The following ROBO2 variants were observed in gnomAD, a reference collection of about 807,000 sequenced individuals.
ROBO2 encodes the protein roundabout homolog 2.
In ROBO2, 53 loss-of-function variants were observed where a neutral mutation model predicts 160.8. That is an observed-to-expected ratio of 0.33 (90% CI 0.26 to 0.41). ROBO2 has a LOEUF of 0.41. Ranked by LOEUF, ROBO2 falls within the 10% of genes least tolerant of loss-of-function variation. The pLI is 1.00. For synonymous variants in ROBO2, 664 were observed against 611.7 expected, an observed-to-expected ratio of 1.09 and a Z score of -1.26; for missense variants, 1,577 against 1,722.4, an observed-to-expected ratio of 0.92 and a Z score of 1.49.
chr3:75,978,489 A>G (rs1462169309), intron 2 of ROBO2, among the ~76,000 whole-genome samples: 3 of 151,616 alleles, frequency 2.0e-5, no homozygotes, highest in Non-Finnish European at 3.0e-5. Context: ...ATGCTTCACA[A>G]TTTTAAAATA....
intron 2 of ROBO2, among the ~76,000 whole-genome samples, chr3:76,807,877 A>G (rs1576752469): frequency 1.3e-5 from 2 of 152,148 alleles, no homozygotes; most frequent in East Asian, 3.9e-4. Context: ...ACACTATTCC[A>G]TAATTATTCA....
At chr3:76,650,533 A>G (rs1379669519) in intron 2 of ROBO2, among the ~76,000 whole-genome samples, 4 of 145,152 alleles carry the variant, frequency 2.8e-5, no homozygotes, top group Non-Finnish European at 4.5e-5. Flanking sequence ...AAATGTTTCT[A>G]TTCTTACTGA....
intron 2 of ROBO2, among the ~76,000 whole-genome samples, chr3:76,088,947 T>A (rs1043426182): frequency 3.3e-5 from 5 of 150,346 alleles, no homozygotes; most frequent in Non-Finnish European, 5.9e-5. Context: ...AAGATCGGAG[T>A]GGAAGAGAGA....
intron 2 of ROBO2, among the ~76,000 whole-genome samples, chr3:76,099,465 A>C (rs573568116): frequency 6.6e-6 from 1 of 152,234 alleles, no homozygotes; most frequent in South Asian, 2.1e-4. Flanking sequence ...ATTTCTTGAG[A>C]GATTTTCTAA....
intron 6 of ROBO2, among the ~76,000 whole-genome samples, chr3:77,537,830 C>T (rs949397960): frequency 1.3e-5 from 2 of 152,044 alleles, no homozygotes; most frequent in African/African-American, 4.8e-5. Flanking sequence ...CTTTATAAAA[C>T]CATCAGATCT....
chr3:76,793,372 C>A (rs976569476), intron 2 of ROBO2, among the ~76,000 whole-genome samples: 6 of 151,804 alleles, frequency 4.0e-5, no homozygotes, highest in African/African-American at 7.3e-5. Flanking sequence ...ATAGGGGGAA[C>A]CTGAACGGCG....
At chr3:76,541,738 T>C (rs961249324) in intron 2 of ROBO2, among the ~76,000 whole-genome samples, 2 of 152,226 alleles carry the variant, frequency 1.3e-5, no homozygotes, top group East Asian at 3.8e-4. Flanking sequence ...CTGACATTGT[T>C]TGGACTAGAA....
At chr3:76,710,754 G>A (rs906264016) in intron 2 of ROBO2, among the ~76,000 whole-genome samples, 4 of 152,128 alleles carry the variant, frequency 2.6e-5, no homozygotes, top group Admixed American at 6.5e-5. Flanking sequence ...CAACTTGATC[G>A]TATTTACAGA....
intron 6 of ROBO2, among the ~76,000 whole-genome samples, chr3:77,526,752 G>A (rs1207366701): frequency 6.6e-6 from 1 of 151,408 alleles, no homozygotes; most frequent in Non-Finnish European, 1.5e-5. Flanking sequence ...GTGTGAACAG[G>A]AATCAACTTG....
intron 2 of ROBO2, among the ~76,000 whole-genome samples, chr3:76,839,340 G>T (rs752660959): frequency 1.3e-5 from 2 of 152,122 alleles, no homozygotes; most frequent in Non-Finnish European, 2.9e-5. Context: ...GGTGAAATAA[G>T]GCATGTAGGA....
Position 77,495,680 on chromosome 3 carries a change from G to A in ROBO2, c.806+2298G>A, listed in dbSNP as rs114919668. Reference sequence around the variant, plus strand: ...TAGCCGGATTAGACTGCGTTTATAGGTTTTTAAAAAGAATACCTTAGAAAT... The same window carrying A: ...TAGCCGGATTAGACTGCGTTTATAGATTTTTAAAAAGAATACCTTAGAAAT... On this transcript the variant is annotated intron_variant, in intron 5 of 25. Transcript: ENST00000461745. 2.2e-3 allele frequency among the ~76,000 whole-genome samples: 330 copies of A among 152,246 alleles called. 1 individual carries two copies. Among genetic ancestry groups the A allele is most frequent in the African/African-American group, 7.8e-3 (325 of 41,538 alleles).
intron 2 of ROBO2, among the ~76,000 whole-genome samples, chr3:77,005,133 C>T (rs1467254014): frequency 2.0e-5 from 3 of 152,140 alleles, no homozygotes; most frequent in East Asian, 3.8e-4. Flanking sequence ...TTCTTCCCAC[C>T]GCTCAGACCT....
In ROBO2 at chr3:77,632,750, G is replaced by A. The variant is rs1481180599; in HGVS notation, c.3761-2120G>A. The A allele has an allele frequency of 7.9e-6, 9 of 1,134,762 alleles. No homozygotes were observed. In the African/African-American group the frequency reaches 1.4e-4, roughly 18 times the overall value. The allele number at this position is 1,134,762 out of a possible 1,614,324, so 70.3% of individuals were successfully genotyped here. ...CCTGTTCTTTCTCCTTAGTGAGTCT[G>A]ACTGTAGGGCTTTCTTTAATACGCA... On this transcript the variant is annotated intron_variant, in intron 23 of 25. Transcript: ENST00000461745.
intron 2 of ROBO2, among the ~76,000 whole-genome samples, chr3:75,977,722 C>T (rs1219262619): frequency 2.0e-5 from 3 of 151,460 alleles, no homozygotes; most frequent in Non-Finnish European, 4.4e-5. Flanking sequence ...TCAGCATATA[C>T]TTTGTACTCT....
chr3:76,689,500 C>G (rs2107177974), intron 2 of ROBO2, among the ~76,000 whole-genome samples: 2 of 152,168 alleles, frequency 1.3e-5, no homozygotes, highest in African/African-American at 4.8e-5. Context: ...TTATAGTTTT[C>G]TAGCTATTTT....
intron 2 of ROBO2, among the ~76,000 whole-genome samples, chr3:76,339,427 T>C (rs1184675457): frequency 1.3e-5 from 2 of 152,170 alleles, no homozygotes; most frequent in Non-Finnish European, 2.9e-5. Flanking sequence ...TAAGATATAT[T>C]GGAAACCATA....
At chr3:76,967,155 T>C (rs1390490603) in intron 2 of ROBO2, among the ~76,000 whole-genome samples, 1 of 152,048 alleles carries the variant, frequency 6.6e-6, no homozygotes, top group Non-Finnish European at 1.5e-5. Context: ...ACATCCGGAA[T>C]TACACATGTA....
chr3:77,482,147 A>G (rs1199124852), intron 4 of ROBO2, among the ~76,000 whole-genome samples: 1 of 152,132 alleles, frequency 6.6e-6, no homozygotes. Flanking sequence ...TCTTCATTAA[A>G]CATTTTACTA....
intron 2 of ROBO2, among the ~76,000 whole-genome samples, chr3:76,272,531 C>T (rs762853763): frequency 1.6e-4 from 24 of 150,012 alleles, no homozygotes; most frequent in Non-Finnish European, 2.8e-4. Context: ...GGCGTGGTGG[C>T]GCGTGCCTGT....
Sources: allele counts gnomAD v4.1 joint callset (sites outside exome capture counted in the v4.1 genomes callset), GRCh38; gene constraint gnomAD v4.1.1; transcripts MANE v1.5; gene names NCBI Gene and HGNC (gene_info 2026-07-23, HGNC 2026-07-21).